Variants in ADGRG4 observed in about 807,000 individuals in gnomAD.
ADGRG4 encodes the protein adhesion G protein-coupled receptor G4, also known as G protein-coupled receptor 112.
A neutral mutation model predicts 126.2 loss-of-function variants in ADGRG4; 122 were observed. That is an observed-to-expected ratio of 0.97 (90% CI 0.83 to 1.12). ADGRG4 has a LOEUF of 1.12. Among genes scored for constraint, ADGRG4 ranks in the 50% most tolerant of loss-of-function variants. The pLI, the probability that ADGRG4 is intolerant of heterozygous loss-of-function variation, is 0.00. For missense variants in ADGRG4, 2,481 were observed against 2,251.8 expected, an observed-to-expected ratio of 1.10 and a Z score of -2.06; for synonymous variants, 943 against 838.7, an observed-to-expected ratio of 1.12 and a Z score of -2.15.
Position 136,345,715 on chromosome X carries a change from C to T in ADGRG4, c.2009C>T (p.Thr670Ile), listed in dbSNP as rs370966277. 6.6e-6 allele frequency: 8 copies of T among 1,209,799 alleles called. No individual in the cohort carries two copies. The highest frequency in any genetic ancestry group is 4.6e-4 in the Middle Eastern group (2 of 4,370). The change falls in exon 6 of 26, where the codon ACA becomes ATA. Residue 670 changes from threonine (T) to isoleucine (I), a missense_variant. Thr to Ile is a moderately conservative substitution (Grantham distance 89). Transcript: ENST00000394143. ...CAGGCCCTGCTGGCATCTATGAACA[C>T]AACCACCATACTCACATTTGTGCCT... ...PDQALLASMN[T>I]TTILTFVPNE...
intron 11 of ADGRG4, among the ~76,000 whole-genome samples, chrX:136,360,441 A>T (rs2075121222): frequency 9.0e-6 from 1 of 111,385 alleles, no homozygotes; most frequent in South Asian, 3.8e-4. Flanking sequence ...TCCCTCAGCA[A>T]CATCAAAAAC....
At chrX:136,380,661 C>T (rs770632033) in intron 15 of ADGRG4, among the ~76,000 whole-genome samples, 9,665 of 64,360 alleles carry the variant, frequency 0.15, 955 homozygotes, top group Non-Finnish European at 0.18. Context: ...CCTCCTCCTC[C>T]TCCTCCTCTT....
At chrX:136,352,435 G>A (rs777245214) in intron 7 of ADGRG4, among the ~76,000 whole-genome samples, 6 of 110,038 alleles carry the variant, frequency 5.5e-5, no homozygotes, top group African/African-American at 2.0e-4. Context: ...AGAGGTTGAG[G>A]CAAAAGGATT....
Position 136,347,354 on chromosome X carries a change from A to C in ADGRG4, c.3648A>C (p.Ser1216=). 1 of 1,208,686 alleles carries C rather than the reference A, an allele frequency of 8.3e-7. No homozygotes were observed. Among genetic ancestry groups the C allele is most frequent in the East Asian group, 3.0e-5 (1 of 33,786 alleles). The change falls in exon 6 of 26, where the codon TCA becomes TCC. Residue 1216 remains serine (S), a synonymous_variant. Transcript: ENST00000394143. ...CTGTTGTTGATGAGACCACACCCTCACACATCTCTGCCAATAAGTTGACTA... is the reference window on the plus strand; with the variant it reads ...CTGTTGTTGATGAGACCACACCCTCCCACATCTCTGCCAATAAGTTGACTA... ...ETSVVDETTP[S]HISANKLTTS...
chrX:136,327,536 T>C (rs1191916289), intron 5 of ADGRG4, among the ~76,000 whole-genome samples: 2 of 109,823 alleles, frequency 1.8e-5, no homozygotes, highest in African/African-American at 6.6e-5. Context: ...TTTAACTTAA[T>C]ACTATCATGG....
intron 21 of ADGRG4, among the ~76,000 whole-genome samples, chrX:136,401,678 C>A (rs1486385964): frequency 2.7e-5 from 3 of 112,021 alleles, no homozygotes; most frequent in Non-Finnish European, 5.6e-5. Context: ...GTCCCCCACA[C>A]TAAAAAGAAC....
intron 21 of ADGRG4, among the ~76,000 whole-genome samples, chrX:136,402,528 G>A (rs1346345210): frequency 8.9e-6 from 1 of 111,750 alleles, no homozygotes; most frequent in African/African-American, 3.3e-5. Context: ...AACAGCTTTG[G>A]AAAGCATTTA....
At chrX:136,409,669 C>T (rs1163009088) in intron 23 of ADGRG4, among the ~76,000 whole-genome samples, 2 of 111,757 alleles carry the variant, frequency 1.8e-5, no homozygotes, top group African/African-American at 6.5e-5. Flanking sequence ...CATGCCATTC[C>T]GTTTAGCCTC....
At position 136,347,465 on chromosome X, in the gene ADGRG4, C is replaced by G. The variant is rs751855038; in HGVS notation, c.3759C>G (p.Val1253=). Residue 1253 remains valine, a synonymous_variant, in exon 6 of 26, where the codon GTC becomes GTG. Transcript: ENST00000394143. The part of the protein sequence containing the change: ...VSIQLVTSTS[V]LSSDKDQMTI... ...TCCAGTTGGTGACTAGCACCTCTGT[C>G]TTATCTTCCGACAAAGACCAGATGA... 25 of 1,206,893 alleles carry G rather than the reference C, an allele frequency of 2.1e-5. No individual in the cohort carries two copies. The highest frequency in any genetic ancestry group is 2.6e-5 in the Non-Finnish European group (23 of 892,181).
At chrX:136,387,976 T>C in intron 16 of ADGRG4, 102 bp downstream of exon 16, 3 of 777,086 alleles carry the variant, frequency 3.9e-6, no homozygotes, top group Non-Finnish European at 3.7e-6. Context: ...TTTTAGAATA[T>C]GCTGATTGAT....
In ADGRG4 at chrX:136,349,089, A is replaced by G; in HGVS notation, c.5383A>G (p.Thr1795Ala). The G allele has an allele frequency of 1.7e-6, 2 of 1,207,895 alleles. No individual in the cohort carries two copies. Among genetic ancestry groups the G allele is most frequent in the South Asian group, 1.8e-5 (1 of 56,422 alleles). ...AACCACCAATTGCTTTTCTTCTAATACTAGAAAGATGACTTCCTTGTTAGA... is the reference window on the plus strand; with the variant it reads ...AACCACCAATTGCTTTTCTTCTAATGCTAGAAAGATGACTTCCTTGTTAGA... ...KTTTNCFSSN[T>A]RKMTSLLEKT... Residue 1795 changes from threonine (T) to alanine (A), a missense_variant, in exon 6 of 26, where the codon ACT becomes GCT. Physicochemically the swap from Thr to Ala is moderately conservative, Grantham distance 58. Transcript: ENST00000394143.
At chrX:136,357,589 T>A (rs1395176734) in intron 9 of ADGRG4, 115 bp from the exon 10 acceptor site, 1 of 520,788 alleles carries the variant, frequency 1.9e-6, no homozygotes, top group Non-Finnish European at 3.2e-6. Flanking sequence ...CAGACGGCAA[T>A]GAGTTACATA....
At chrX:136,327,894 A>G (rs2074883870) in intron 5 of ADGRG4, among the ~76,000 whole-genome samples, 1 of 111,277 alleles carries the variant, frequency 9.0e-6, no homozygotes, top group Admixed American at 9.7e-5. Context: ...CTAGATATAT[A>G]TGGTAAAAGA....
At chrX:136,365,424 C>T (rs760381882) in intron 13 of ADGRG4, among the ~76,000 whole-genome samples, 47 of 111,834 alleles carry the variant, frequency 4.2e-4, no homozygotes, top group Non-Finnish European at 8.1e-4. Context: ...TTTATGGATG[C>T]ATTATATTCC....
At chrX:136,335,608 G>C (rs1368601119) in intron 5 of ADGRG4, among the ~76,000 whole-genome samples, 1 of 111,355 alleles carries the variant, frequency 9.0e-6, no homozygotes, top group Non-Finnish European at 1.9e-5. Context: ...TATGGGTTTT[G>C]AGGAGTTGTC....
At chrX:136,381,290 C>T (rs2075262746) in intron 15 of ADGRG4, among the ~76,000 whole-genome samples, 1 of 111,129 alleles carries the variant, frequency 9.0e-6, no homozygotes, top group African/African-American at 3.3e-5. Context: ...CTCACTCTGT[C>T]ACCTAGGCTG....
chrX:136,403,802 C>T (rs181743393), intron 22 of ADGRG4, among the ~76,000 whole-genome samples: 17 of 112,182 alleles, frequency 1.5e-4, no homozygotes, highest in African/African-American at 5.2e-4. Context: ...CCTTTGTAAA[C>T]GGCCTCGGCT....
Position 136,345,489 on chromosome X carries a change from G to A in ADGRG4, c.1783G>A (p.Ala595Thr), listed in dbSNP as rs762892403. Residue 595 changes from alanine to threonine, a missense_variant, in exon 6 of 26, where the codon GCT (alanine) becomes ACT (threonine). Physicochemically the swap from Ala to Thr is moderately conservative, Grantham distance 58. Coordinates refer to ENST00000394143, the MANE Select transcript of ADGRG4 (RefSeq NM_153834.4). ...TGAAATCACACTTGCATCTACAGTG[G>A]CTGAAACTATGCTTTCCTCCACAAT... Reference protein sequence around the residue: ...TPEITLASTVAETMLSSTITG... With the variant: ...TPEITLASTVTETMLSSTITG... The A allele has an allele frequency of 1.7e-6, 2 of 1,211,019 alleles. No individual in the cohort carries two copies. The highest frequency in any genetic ancestry group is 2.2e-6 in the Non-Finnish European group (2 of 895,099).
chrX:136,390,277 C>G (rs1284521659), intron 16 of ADGRG4, among the ~76,000 whole-genome samples: 1 of 111,326 alleles, frequency 9.0e-6, no homozygotes, highest in Non-Finnish European at 1.9e-5. Context: ...GTCTCAAACT[C>G]CTGGTCTCAA....
Sources: allele counts gnomAD v4.1 joint callset (sites outside exome capture counted in the v4.1 genomes callset), GRCh38; gene constraint gnomAD v4.1.1; transcripts MANE v1.5; gene names NCBI Gene and HGNC (gene_info 2026-07-23, HGNC 2026-07-21).